PDE10A: variants seen among roughly 807,000 people sequenced by gnomAD.
PDE10A encodes phosphodiesterase 10A.
A neutral mutation model predicts 97.7 loss-of-function variants in PDE10A; 39 were observed. The observed-to-expected ratio is 0.40, with a 90% CI of 0.31 to 0.52. PDE10A has a LOEUF of 0.52. Ranked by LOEUF, PDE10A falls within the 20% of genes least tolerant of loss-of-function variation. PDE10A has a pLI of 0.56. For synonymous variants in PDE10A, 371 were observed against 376.8 expected, an observed-to-expected ratio of 0.98 and a Z score of 0.18; for missense variants, 731 against 1,047.8, an observed-to-expected ratio of 0.70 and a Z score of 4.17.
rs1020161551 is a variant in PDE10A, at chr6:165,570,598, A to T, written c.866-27030T>A. Among the ~76,000 whole-genome samples, 55 of 152,230 alleles carry T rather than the reference A, an allele frequency of 3.6e-4. 2 individuals carry two copies. The highest frequency in any genetic ancestry group is 1.3e-3 in the African/African-American group (53 of 41,476). ...AACACTACTTAATTTTAAAAGAGGA[A>T]ATAACTCGATTTTCTTTAATGATAA... On this transcript the variant is annotated intron_variant, in intron 1 of 21. Transcript: ENST00000539869.
chr6:165,879,771 A>G (rs775780960), intron 1 of PDE10A, among the ~76,000 whole-genome samples: 14 of 152,146 alleles, frequency 9.2e-5, no homozygotes, highest in Non-Finnish European at 1.9e-4. Flanking sequence ...CGTTTTATTT[A>G]TATGATTTTT....
intron 1 of PDE10A, among the ~76,000 whole-genome samples, chr6:165,815,854 G>A (rs1779395229): frequency 6.6e-6 from 1 of 152,150 alleles, no homozygotes; most frequent in South Asian, 2.1e-4. Flanking sequence ...CCAGGGTGTG[G>A]AAGGGATGGT....
intron 1 of PDE10A, among the ~76,000 whole-genome samples, chr6:165,956,800 T>C (rs1358469100): frequency 2.0e-5 from 3 of 152,196 alleles, no homozygotes; most frequent in Non-Finnish European, 2.9e-5. Context: ...AATCATGTCA[T>C]AGAGTTGAAG....
At chr6:165,872,678 G>GT (rs957227579) in intron 1 of PDE10A, among the ~76,000 whole-genome samples, 1 of 151,820 alleles carries the variant, frequency 6.6e-6, no homozygotes. Context: ...TGTTTGTTTT[G>GT]TTTTTTAACA....
At chr6:165,421,967 G>A (rs1278811766) in intron 10 of PDE10A, among the ~76,000 whole-genome samples, 1 of 152,152 alleles carries the variant, frequency 6.6e-6, no homozygotes, top group Admixed American at 6.5e-5. Context: ...GGAAGGCTGA[G>A]GTAGGAGGAT....
At position 165,655,116 on chromosome 6, in the gene PDE10A, T is replaced by C. The variant is rs907720743; in HGVS notation, c.865+6831A>G. Among the ~76,000 whole-genome samples the C allele has an allele frequency of 2.0e-5, 3 of 152,158 alleles. No homozygotes were observed. The highest frequency in any genetic ancestry group is 4.4e-5 in the Non-Finnish European group (3 of 68,026). The stretch of plus-strand genomic sequence containing the variant: ...CGCGTGTCAAACTTCAGCCAGGCAC[T>C]TACATTGCACCCAGCTATGGTTGAT... On this transcript the variant is annotated intron_variant, in intron 1 of 21. Coordinates refer to ENST00000539869, the MANE Select transcript of PDE10A (RefSeq NM_001385079.1). The surrounding 1 kb of genome is among the most constrained non-coding windows in gnomAD (Gnocchi z 4.5).
At chr6:165,858,506 A>C (rs781221474) in intron 1 of PDE10A, among the ~76,000 whole-genome samples, 1 of 152,206 alleles carries the variant, frequency 6.6e-6, no homozygotes, top group African/African-American at 2.4e-5. Context: ...TTTCACCTTG[A>C]CGTGAACGGT....
chr6:165,472,258 A>G (rs1185926745), intron 3 of PDE10A, among the ~76,000 whole-genome samples: 1 of 152,054 alleles, frequency 6.6e-6, no homozygotes, highest in Non-Finnish European at 1.5e-5. Flanking sequence ...TAAATTTGCA[A>G]TTACATTAGT....
intron 1 of PDE10A, among the ~76,000 whole-genome samples, chr6:165,706,452 A>G (rs967560905): frequency 2.0e-5 from 3 of 152,212 alleles, no homozygotes; most frequent in Non-Finnish European, 2.9e-5. Context: ...TGATGAATAC[A>G]TATTATTGAG....
intron 10 of PDE10A, among the ~76,000 whole-genome samples, chr6:165,421,152 T>C (rs920792155): frequency 2.0e-5 from 3 of 152,144 alleles, no homozygotes; most frequent in East Asian, 3.9e-4. Context: ...TCAAAAAGCA[T>C]ATGATGAGCC....
chr6:165,450,234 C>T lies in PDE10A; in HGVS notation c.1144+8G>A. 6.5e-7 allele frequency: 1 copy of T among 1,533,334 alleles called. No homozygotes were observed. The highest frequency in any genetic ancestry group is 8.8e-7 in the Non-Finnish European group (1 of 1,139,442). 95.0% of individuals were successfully genotyped at this position (1,533,334 alleles called of 1,614,324 possible). ...TTTTTTCTAACAGGAACACAAAATG[C>T]TTCTTACCTATTTTAATGATGCTGC... On this transcript the variant is annotated splice_region_variant and intron_variant, in intron 4 of 21. Coordinates refer to ENST00000539869, the MANE Select transcript of PDE10A (RefSeq NM_001385079.1).
At chr6:165,386,487 G>C (rs1307365512) in intron 17 of PDE10A, among the ~76,000 whole-genome samples, 3 of 152,132 alleles carry the variant, frequency 2.0e-5, no homozygotes, top group Non-Finnish European at 4.4e-5. Context: ...TGCTAATTCA[G>C]TGACTCCTAA....
intron 5 of PDE10A, among the ~76,000 whole-genome samples, chr6:165,445,121 C>A (rs964469012): frequency 6.6e-6 from 1 of 152,056 alleles, no homozygotes; most frequent in Non-Finnish European, 1.5e-5. Context: ...AAAATATATA[C>A]ATGTATCTGC....
chr6:165,954,789 C>T (rs1269222232), intron 1 of PDE10A, among the ~76,000 whole-genome samples: 1 of 152,064 alleles, frequency 6.6e-6, no homozygotes, highest in Admixed American at 6.6e-5. Context: ...ATCTCACTAG[C>T]TGGGCCCTGT....
intron 2 of PDE10A, among the ~76,000 whole-genome samples, chr6:165,514,029 TCTG>T (rs1205569790): frequency 2.6e-5 from 4 of 152,192 alleles, no homozygotes; most frequent in Admixed American, 2.6e-4. Flanking sequence ...GTCCTTCTAC[TCTG>T]CTGAGAACTT....
intron 1 of PDE10A, among the ~76,000 whole-genome samples, chr6:165,835,342 A>G (rs1780037392): frequency 6.6e-6 from 1 of 152,214 alleles, no homozygotes; most frequent in Non-Finnish European, 1.5e-5. Flanking sequence ...CAGATGTGCC[A>G]TCCCAGGCTG....
intron 1 of PDE10A, among the ~76,000 whole-genome samples, chr6:165,895,812 G>C (rs79636025): frequency 2.0e-5 from 3 of 152,052 alleles, no homozygotes; most frequent in Non-Finnish European, 2.9e-5. Flanking sequence ...CTTTCATTCC[G>C]GGCTCCCCAG....
At chr6:165,615,240 GA>G (rs199613669) in intron 1 of PDE10A, among the ~76,000 whole-genome samples, 1,626 of 147,538 alleles carry the variant, frequency 0.011, 25 homozygotes, top group African/African-American at 0.038. Context: ...AAGAAAGAAA[GA>G]AAAGAAAAGA....
At chr6:165,715,391 C>A (rs1332885897) in intron 1 of PDE10A, among the ~76,000 whole-genome samples, 2 of 152,348 alleles carry the variant, frequency 1.3e-5, no homozygotes, top group African/African-American at 4.8e-5. Flanking sequence ...GTGTGTGCGT[C>A]AGCTGAGCAT....
Sources: allele counts gnomAD v4.1 joint callset (sites outside exome capture counted in the v4.1 genomes callset), GRCh38; gene constraint gnomAD v4.1.1; non-coding constraint Gnocchi (gnomAD v3.1); transcripts MANE v1.5; gene names NCBI Gene and HGNC (gene_info 2026-07-23, HGNC 2026-07-21).